Variants in FGF7 observed in about 807,000 individuals in gnomAD.
The protein encoded by FGF7 is fibroblast growth factor 7.
A neutral mutation model predicts 20.5 loss-of-function variants in FGF7; 6 were observed. The ratio of observed to expected loss-of-function variants is 0.29; its 90% CI spans 0.16 to 0.58. FGF7 has a LOEUF of 0.58. Among genes scored for constraint, FGF7 ranks in the 20% least tolerant of loss-of-function variants. The pLI, the probability that FGF7 is intolerant of heterozygous loss-of-function variation, is 0.90. For missense variants in FGF7, 144 were observed against 228.8 expected (o/e 0.63, Z 2.39); for synonymous variants, 64 against 74.7 (o/e 0.86, Z 0.74).
In FGF7 at chr15:49,423,315, T is replaced by A; in HGVS notation, c.-392T>A. The A allele has an allele frequency of 6.6e-6, 1 of 152,132 alleles. No individual in the cohort carries two copies. Among genetic ancestry groups the A allele is most frequent in the East Asian group, 1.9e-4 (1 of 5,196 alleles). 9.4% of individuals were successfully genotyped at this position (152,132 alleles called of 1,614,324 possible). On this transcript the variant is annotated 5_prime_UTR_variant, in exon 1 of 4. Transcript: ENST00000267843. Reference sequence around the variant, plus strand: ...TCTGCCTGTTGATTTATGGAAACAATTATGATTCTGCTGGAGAACTTTTCA... The same window carrying A: ...TCTGCCTGTTGATTTATGGAAACAAATATGATTCTGCTGGAGAACTTTTCA...
chr15:49,454,199 T>C (rs1214314737), intron 2 of FGF7, among the ~76,000 whole-genome samples: 1 of 152,150 alleles, frequency 6.6e-6, no homozygotes, highest in Non-Finnish European at 1.5e-5. Context: ...CATTTTATCA[T>C]CAGAAATACA....
chr15:49,486,122 A>G lies in FGF7; in HGVS notation c.*1618A>G, dbSNP rs2056384353. ...TTTATCTAATTTAAAAGGTATGCTAACCACTGTGGTTTTAATTTCAAAATA... is the reference window on the plus strand; with the variant it reads ...TTTATCTAATTTAAAAGGTATGCTAGCCACTGTGGTTTTAATTTCAAAATA... On this transcript the variant is annotated 3_prime_UTR_variant, in exon 4 of 4. Coordinates refer to ENST00000267843, the MANE Select transcript of FGF7 (RefSeq NM_002009.4). 1 of 152,048 alleles carries G rather than the reference A, an allele frequency of 6.6e-6. No individual in the cohort carries two copies. Among genetic ancestry groups the G allele is most frequent in the African/African-American group, 2.4e-5 (1 of 41,436 alleles). The allele number at this position is 152,048 out of a possible 1,614,324, so 9.4% of individuals were successfully genotyped here. A position where few individuals can be genotyped will look rare whatever the true frequency, so the allele number is the denominator to read the frequency against.
chr15:49,458,056 C>T (rs1177187486), intron 2 of FGF7, among the ~76,000 whole-genome samples: 1 of 151,830 alleles, frequency 6.6e-6, no homozygotes, highest in Admixed American at 6.6e-5. Context: ...GATCAAATGA[C>T]ATAAAACATG....
At chr15:49,439,876 A>G (rs552483078) in intron 2 of FGF7, among the ~76,000 whole-genome samples, 26 of 151,920 alleles carry the variant, frequency 1.7e-4, no homozygotes, top group African/African-American at 6.3e-4. Context: ...TCTGGAAGGA[A>G]GCCATGAGAT....
At chr15:49,448,034 C>A (rs1157481881) in intron 2 of FGF7, among the ~76,000 whole-genome samples, 1 of 151,484 alleles carries the variant, frequency 6.6e-6, no homozygotes, top group Non-Finnish European at 1.5e-5. Flanking sequence ...ATTTTAATGT[C>A]CGAGAGCATA....
chr15:49,448,279 T>G (rs2052405096), intron 2 of FGF7, among the ~76,000 whole-genome samples: 1 of 151,706 alleles, frequency 6.6e-6, no homozygotes, highest in African/African-American at 2.4e-5. Context: ...CAAATTTGTC[T>G]TCTTTCCTGT....
At chr15:49,451,561 A>G (rs2151886978) in intron 2 of FGF7, among the ~76,000 whole-genome samples, 1 of 152,088 alleles carries the variant, frequency 6.6e-6, no homozygotes, top group Admixed American at 6.6e-5. Context: ...ATTTTTTTCT[A>G]AATCTTCTTA....
chr15:49,430,542 G>C lies in FGF7; in HGVS notation c.286+5959G>C, dbSNP rs767644794. On this transcript the variant is annotated intron_variant, in intron 2 of 3. Transcript: ENST00000267843. ...TGATATAAGAGAATACTGCAGATTGGATAATTTATAAAGAAAAGAAATTTA... is the reference window on the plus strand; with the variant it reads ...TGATATAAGAGAATACTGCAGATTGCATAATTTATAAAGAAAAGAAATTTA... Among the ~76,000 whole-genome samples, 6 of 151,822 alleles carry C rather than the reference G, an allele frequency of 4.0e-5. 1 individual carries two copies. Among genetic ancestry groups the C allele is most frequent in the Admixed American group, 1.3e-4 (2 of 15,196 alleles).
intron 2 of FGF7, among the ~76,000 whole-genome samples, chr15:49,444,552 C>T (rs544073579): frequency 4.0e-5 from 6 of 151,718 alleles, no homozygotes; most frequent in Admixed American, 1.3e-4. Flanking sequence ...TCAGTTAAAA[C>T]GTTATGTGTG....
chr15:49,488,512 C>G lies in FGF7; in HGVS notation c.*4008C>G, dbSNP rs1438122171. ...TTCTCAAACTACACTTCTCAAGGAA[C>G]CAGATATTTACTCTCATCTGGGAAG... On this transcript the variant is annotated 3_prime_UTR_variant, in exon 4 of 4. Transcript: ENST00000267843. 2.0e-5 allele frequency: 3 copies of G among 151,942 alleles called. No individual in the cohort carries two copies. The highest frequency in any genetic ancestry group is 7.2e-5 in the African/African-American group (3 of 41,406). The allele number at this position is 151,942 out of a possible 1,614,324, so 9.4% of individuals were successfully genotyped here.
At position 49,468,461 on chromosome 15, in the gene FGF7, G is replaced by A. The variant is rs1006863729; in HGVS notation, c.287-14690G>A. 2.0e-5 allele frequency among the ~76,000 whole-genome samples: 3 copies of A among 152,140 alleles called. 1 individual carries two copies. The highest frequency in any genetic ancestry group is 4.4e-5 in the Non-Finnish European group (3 of 68,020). On this transcript the variant is annotated intron_variant, in intron 2 of 3. Transcript: ENST00000267843. ...TTCTTTTAGTGTATTCCAAGGTTCT[G>A]ACTTAAATCTGTTATTTAACAGCTA...
chr15:49,471,152 T>G (rs2054704868), intron 2 of FGF7, among the ~76,000 whole-genome samples: 1 of 151,930 alleles, frequency 6.6e-6, no homozygotes, highest in African/African-American at 2.4e-5. Flanking sequence ...AGAAGAAAAA[T>G]TCTAAAGAGG....
In FGF7 at chr15:49,450,913, G is replaced by A. The variant is rs200310949; in HGVS notation, c.286+26330G>A. On this transcript the variant is annotated intron_variant, in intron 2 of 3. Transcript: ENST00000267843. ...TATTTGGGAAAAAAACTAAACTAGA[G>A]ATATAGTTAGTATAGCTACAGCTAA... Among the ~76,000 whole-genome samples the A allele has an allele frequency of 3.3e-5, 5 of 152,104 alleles. No homozygotes were observed. In the East Asian group the frequency reaches 9.6e-4, roughly 29 times the overall value.
chr15:49,469,564 T>C (rs183532299), intron 2 of FGF7, among the ~76,000 whole-genome samples: 1,876 of 152,202 alleles, frequency 0.012, 14 homozygotes, highest in Non-Finnish European at 0.02. Flanking sequence ...CAGTGGCTTA[T>C]GAATTAAATT....
rs1056436969 is a variant in FGF7, at chr15:49,424,137, G to A, written c.-161G>A. Reference sequence around the variant, plus strand: ...AGGAGGAATCCTGTGTTGTTATCAGGAACTAAAAGGATAAGGCTAACAATT... The same window carrying A: ...AGGAGGAATCCTGTGTTGTTATCAGAAACTAAAAGGATAAGGCTAACAATT... On this transcript the variant is annotated 5_prime_UTR_variant, in exon 2 of 4. Transcript: ENST00000267843. The A allele has an allele frequency of 5.2e-6, 3 of 580,974 alleles. No homozygotes were observed. In the African/African-American group the frequency reaches 5.6e-5, roughly 11 times the overall value. The allele number at this position is 580,974 out of a possible 1,614,324, so 36.0% of individuals were successfully genotyped here.
chr15:49,473,900 A>G (rs1475975439), intron 2 of FGF7, among the ~76,000 whole-genome samples: 1 of 152,166 alleles, frequency 6.6e-6, no homozygotes, highest in African/African-American at 2.4e-5. Context: ...AGGTTTTTAA[A>G]AACATAATTA....
intron 2 of FGF7, among the ~76,000 whole-genome samples, chr15:49,448,248 T>C (rs2052401883): frequency 6.6e-6 from 1 of 151,740 alleles, no homozygotes; most frequent in Non-Finnish European, 1.5e-5. Flanking sequence ...CCAACTCTTC[T>C]GTTTTTTCTA....
chr15:49,451,017 T>C (rs2052675955), intron 2 of FGF7, among the ~76,000 whole-genome samples: 1 of 152,078 alleles, frequency 6.6e-6, no homozygotes, highest in Non-Finnish European at 1.5e-5. Flanking sequence ...AGTGGGGAAA[T>C]ATATGTCTAA....
chr15:49,478,511 G>A (rs2055577109), intron 2 of FGF7, among the ~76,000 whole-genome samples: 1 of 151,922 alleles, frequency 6.6e-6, no homozygotes, highest in Admixed American at 6.6e-5. Flanking sequence ...AACAATCCAG[G>A]CTTGACAGAA....
Sources: gnomAD v4.1 joint callset for allele counts (sites outside exome capture counted in the v4.1 genomes callset) on GRCh38, gnomAD v4.1.1 for gene constraint, MANE v1.5 for transcripts, NCBI Gene and HGNC (gene_info 2026-07-23, HGNC 2026-07-21) for gene names.